Variants in SOS2 observed in about 807,000 individuals in gnomAD.
The protein encoded by SOS2 is son of sevenless homolog 2.
In SOS2, 65 loss-of-function variants were observed where a neutral mutation model predicts 148.2. The ratio of observed to expected loss-of-function variants is 0.44; its 90% CI spans 0.36 to 0.54. SOS2 has a LOEUF of 0.54. Ranked by LOEUF, SOS2 falls within the 20% of genes least tolerant of loss-of-function variation. SOS2 has a pLI of 0.00. For missense variants in SOS2, 1,341 were observed against 1,590.2 expected (o/e 0.84, Z 2.67); for synonymous variants, 539 against 537.1 (o/e 1.00, Z -0.05).
intron 1 of SOS2, among the ~76,000 whole-genome samples, chr14:50,219,422 AGAGTATGTACTGTAT>A (rs953012003): frequency 6.6e-6 from 1 of 152,210 alleles, no homozygotes; most frequent in Non-Finnish European, 1.5e-5. Flanking sequence ...TTGAAAAAAA[AGAGTATGTACTGTAT>A]GATTCTATCA....
intron 21 of SOS2, among the ~76,000 whole-genome samples, chr14:50,127,800 G>C (rs967469333): frequency 2.0e-5 from 3 of 152,176 alleles, no homozygotes; most frequent in East Asian, 1.9e-4. Flanking sequence ...CTAGAATAGT[G>C]CCTGCACATT....
At chr14:50,145,888 G>A (rs1288410490) in intron 14 of SOS2, among the ~76,000 whole-genome samples, 2 of 151,574 alleles carry the variant, frequency 1.3e-5, no homozygotes, top group Admixed American at 6.6e-5. Context: ...TAATCCCAGC[G>A]CTTTGGGAGG....
rs1265737925 is a variant in SOS2, at chr14:50,127,211, G to A, written c.3379+2750C>T. ...GGCTGGAGTGCAATGACACGATCTT[G>A]GATCACTGCAACCTCCACCTCCCGG... On this transcript the variant is annotated intron_variant, in intron 21 of 22. Coordinates refer to ENST00000216373, the MANE Select transcript of SOS2 (RefSeq NM_006939.4). Among the ~76,000 whole-genome samples, 3 of 146,102 alleles carry A rather than the reference G, an allele frequency of 2.1e-5. No homozygotes were observed. The East Asian group carries it at 6.1e-4, about 30-fold the overall frequency.
intron 5 of SOS2, 70 bp from the exon 6 acceptor site, chr14:50,182,676 G>A: frequency 1.2e-5 from 15 of 1,271,848 alleles, no homozygotes; most frequent in Non-Finnish European, 1.7e-5. Flanking sequence ...TAAATATAAA[G>A]AGCAATATAG....
At chr14:50,156,947 GTGTGTATATATA>G (rs2139617994) in intron 12 of SOS2, 40 bp downstream of exon 12, 2 of 909,446 alleles carry the variant, frequency 2.2e-6, no homozygotes, top group South Asian at 1.7e-5. Flanking sequence ...ATGTGTGTGT[GTGTGTATATATA>G]TGTGTATATA....
chr14:50,200,252 T>C (rs1886444985), intron 3 of SOS2, among the ~76,000 whole-genome samples: 1 of 151,832 alleles, frequency 6.6e-6, no homozygotes, highest in African/African-American at 2.4e-5. Context: ...GGTATGGAAG[T>C]GTCTGTGTGT....
At chr14:50,146,400 T>C (rs955483948) in intron 14 of SOS2, among the ~76,000 whole-genome samples, 3 of 152,104 alleles carry the variant, frequency 2.0e-5, no homozygotes, top group Admixed American at 6.6e-5. Flanking sequence ...TCCCAGCACT[T>C]TGGGAGGCTG....
chr14:50,129,949 A>G lies in SOS2; in HGVS notation c.3379+12T>C. The stretch of plus-strand genomic sequence containing the variant: ...AGTCATTTCATTAAGAATCAACTTA[A>G]ATTATACTTACTTGAATGTGGCAAA... On this transcript the variant is annotated intron_variant, in intron 21 of 22. Transcript: ENST00000216373. The G allele has an allele frequency of 6.5e-7, 1 of 1,531,286 alleles. No individual in the cohort carries two copies. Among genetic ancestry groups the G allele is most frequent in the Non-Finnish European group, 9.0e-7 (1 of 1,111,052 alleles). 94.9% of individuals were successfully genotyped at this position (1,531,286 alleles called of 1,614,324 possible).
At chr14:50,200,101 G>GA (rs1339886274) in intron 3 of SOS2, among the ~76,000 whole-genome samples, 3 of 152,158 alleles carry the variant, frequency 2.0e-5, no homozygotes, top group African/African-American at 7.2e-5. Context: ...TCTTGATATA[G>GA]AAATCTTGGG....
intron 21 of SOS2, among the ~76,000 whole-genome samples, 154 bp downstream of exon 21, chr14:50,129,807 G>A (rs1883808284): frequency 6.6e-6 from 1 of 152,200 alleles, no homozygotes; most frequent in Non-Finnish European, 1.5e-5. Flanking sequence ...CTATAGTGAA[G>A]CTTAAGTAGT....
In SOS2 at chr14:50,197,689, C is replaced by CTT. The variant is rs35121759; in HGVS notation, c.510+2000_510+2001dup. Among the ~76,000 whole-genome samples the CTT allele has an allele frequency of 1.2e-3, 148 of 125,834 alleles. 10 individuals carry two copies. Among genetic ancestry groups the CTT allele is most frequent in the African/African-American group, 2.2e-3 (75 of 33,662 alleles). 82.6% of individuals were successfully genotyped at this position (125,834 alleles called of 152,430 possible). A position where few individuals can be genotyped will look rare whatever the true frequency, so the allele number is the denominator to read the frequency against. On this transcript the variant is annotated intron_variant, in intron 4 of 22. Coordinates refer to ENST00000216373, the MANE Select transcript of SOS2 (RefSeq NM_006939.4). ...TCTTGAATAAAGTCAGCTTTACCAC[C>CTT]TTTTTTTTTTTTTTTTTTTGAAACA...
Position 50,199,811 on chromosome 14 carries a change from A to C in SOS2, c.390T>G (p.Ile130Met), listed in dbSNP as rs1886426829. Residue 130 changes from isoleucine (I) to methionine (M), a missense_variant, in exon 4 of 23, where the codon ATT (isoleucine) becomes ATG (methionine). Transcript: ENST00000216373. ...CTGAGATATACTCTAGTACAGCCACAATATATAGGGATACATGGTAGTCCA... is the reference window on the plus strand; with the variant it reads ...CTGAGATATACTCTAGTACAGCCACCATATATAGGGATACATGGTAGTCCA... ...YKVDYHVSLY[I>M]VAVLEYISAD... 1.9e-6 allele frequency: 3 copies of C among 1,595,830 alleles called. No individual in the cohort carries two copies. Among genetic ancestry groups the C allele is most frequent in the Non-Finnish European group, 2.6e-6 (3 of 1,165,570 alleles).
At chr14:50,155,882 C>T (rs747689287) in intron 12 of SOS2, 5 of 152,070 alleles carry the variant, frequency 3.3e-5, no homozygotes, top group Non-Finnish European at 4.4e-5. Flanking sequence ...AGTACAAATG[C>T]ATCACAGCTA....
In SOS2 at chr14:50,153,183, T is replaced by C. The variant is rs1303671107; in HGVS notation, c.2058-10A>G. 3 of 1,502,582 alleles carry C rather than the reference T, an allele frequency of 2.0e-6. No homozygotes were observed. The highest frequency in any genetic ancestry group is 2.8e-6 in the Non-Finnish European group (3 of 1,086,588). The allele number at this position is 1,502,582 out of a possible 1,614,324, so 93.1% of individuals were successfully genotyped here. ...AAATACATTTAAGATCCTGATAAAA[T>C]GGAAAGAAACACATTTTAGTGAAAC... On this transcript the variant is annotated splice_polypyrimidine_tract_variant and intron_variant, in intron 12 of 22. Coordinates refer to ENST00000216373, the MANE Select transcript of SOS2 (RefSeq NM_006939.4).
chr14:50,152,163 C>T (rs1464558048), intron 13 of SOS2, among the ~76,000 whole-genome samples: 3 of 152,058 alleles, frequency 2.0e-5, no homozygotes, highest in Admixed American at 6.6e-5. Flanking sequence ...AAGTAGAACA[C>T]GAAATAAGTT....
chr14:50,209,427 T>TA (rs1414304285), intron 1 of SOS2, among the ~76,000 whole-genome samples: 3 of 151,974 alleles, frequency 2.0e-5, no homozygotes, highest in African/African-American at 7.3e-5. Context: ...CCTGAACTCA[T>TA]AAAAAATAAA....
chr14:50,227,378 G>C (rs2139878610), intron 1 of SOS2, among the ~76,000 whole-genome samples: 1 of 149,920 alleles, frequency 6.7e-6, no homozygotes, highest in South Asian at 2.1e-4. Flanking sequence ...CGAGTAGCTG[G>C]GATCACAGGC....
At chr14:50,225,367 G>A (rs1470723361) in intron 1 of SOS2, among the ~76,000 whole-genome samples, 1 of 152,146 alleles carries the variant, frequency 6.6e-6, no homozygotes, top group Non-Finnish European at 1.5e-5. Flanking sequence ...TCAAATTACT[G>A]TTCCCTTGAA....
At chr14:50,177,862 A>G (rs953477110) in intron 7 of SOS2, among the ~76,000 whole-genome samples, 2 of 152,308 alleles carry the variant, frequency 1.3e-5, no homozygotes, top group Non-Finnish European at 2.9e-5. Context: ...AAGTGCATCA[A>G]TTCAAGGCAG....
Sources: allele counts gnomAD v4.1 joint callset (sites outside exome capture counted in the v4.1 genomes callset), GRCh38; gene constraint gnomAD v4.1.1; transcripts MANE v1.5; gene names NCBI Gene and HGNC (gene_info 2026-07-23, HGNC 2026-07-21).